The following BST1 variants were observed in gnomAD, a reference collection of about 807,000 sequenced individuals.
BST1 encodes the protein ADP-ribosyl cyclase/cyclic ADP-ribose hydrolase 2.
A neutral mutation model predicts 40.6 loss-of-function variants in BST1; 49 were observed. That is an observed-to-expected ratio of 1.21 (90% CI 0.96 to 1.53). BST1 has a LOEUF of 1.53. BST1 is among the 40% of genes most tolerant of loss of function. The probability of loss-of-function intolerance (pLI) is 0.00; values close to 1 mark genes in which losing one functional copy is unlikely to be tolerated. For synonymous variants in BST1, 157 were observed against 159.3 expected, an observed-to-expected ratio of 0.99 and a Z score of 0.11; for missense variants, 423 against 395.9, an observed-to-expected ratio of 1.07 and a Z score of -0.58.
At chr4:15,766,181 C>A in the BST1 span, among the ~76,000 whole-genome samples, 1 of 151,884 alleles carries the variant, frequency 6.6e-6, no homozygotes, top group Non-Finnish European at 1.5e-5. Context: ...GGTGGCAAAA[C>A]TGTCCCAAAA....
intron 6 of BST1, 104 bp downstream of exon 6, chr4:15,715,903 C>A: frequency 2.4e-6 from 2 of 834,824 alleles, no homozygotes; most frequent in East Asian, 3.1e-5. Context: ...GAAATGACAG[C>A]CTTCTTTGCT....
chr4:15,753,583 A>G, the BST1 span, among the ~76,000 whole-genome samples: 18 of 152,334 alleles, frequency 1.2e-4, no homozygotes, highest in African/African-American at 3.9e-4. Context: ...CAGAGCCACA[A>G]ACAGTATTGG....
chr4:15,712,367 G>A lies in BST1; in HGVS notation c.534+478G>A, dbSNP rs564127524. Among the ~76,000 whole-genome samples, 3 of 152,282 alleles carry A rather than the reference G, an allele frequency of 2.0e-5. No homozygotes were observed. The East Asian group carries it at 5.8e-4, about 29-fold the overall frequency. On this transcript the variant is annotated intron_variant, in intron 4 of 8. Transcript: ENST00000265016. ...GAAATGGTCCCCTGAAGGTAGGTCT[G>A]TTTCCCAGAGAATGATGTCACCAGA...
chr4:15,731,513 T>C (rs937202052), intron 8 of BST1: 2 of 1,055,286 alleles, frequency 1.9e-6, no homozygotes, highest in Admixed American at 1.8e-5. Context: ...TCATAGTTCT[T>C]GAAGCTGATC....
downstream of BST1, among the ~76,000 whole-genome samples, chr4:15,734,083 G>A (rs562954221): frequency 1.8e-4 from 27 of 152,162 alleles, no homozygotes; most frequent in Non-Finnish European, 2.9e-4. Flanking sequence ...GAGAGCTGCC[G>A]CACCAAAAGG....
chr4:15,740,968 C>T (rs566185713), downstream of BST1, among the ~76,000 whole-genome samples: 37 of 151,996 alleles, frequency 2.4e-4, no homozygotes, highest in Non-Finnish European at 1.2e-4. Context: ...GTTCATTATC[C>T]GTCATGAACC....
Position 15,731,756 on chromosome 4 carries a change from C to T in BST1, c.868C>T (p.Gln290Ter). 1 of 1,613,140 alleles carries T rather than the reference C, an allele frequency of 6.2e-7. No individual in the cohort carries two copies. Residue 290 changes from glutamine (Q) to a stop codon, truncating the protein, a stop_gained, in exon 9 of 9, where the codon CAA (glutamine) becomes TAA (stop). Coordinates refer to ENST00000265016, the MANE Select transcript of BST1 (RefSeq NM_004334.3). LOFTEE classifies it low-confidence loss of function (END_TRUNC). ...CALKSAAAAT[Q>*]RKAPSLYTEQ... The stretch of plus-strand genomic sequence containing the variant: ...AATTTGCAGGGCAGCAGCCGCTACT[C>T]AAAGAAAAGCCCCAAGTCTTTATAC...
At chr4:15,767,653 C>T in the BST1 span, among the ~76,000 whole-genome samples, 3 of 150,906 alleles carry the variant, frequency 2.0e-5, no homozygotes, top group East Asian at 3.9e-4. Flanking sequence ...TTTTGTTTTA[C>T]TCTTTTTAAA....
Position 15,715,897 on chromosome 4 carries a change from T to C in BST1, c.704+98T>C, listed in dbSNP as rs1720490935. On this transcript the variant is annotated intron_variant, in intron 6 of 8. Coordinates refer to ENST00000265016, the MANE Select transcript of BST1 (RefSeq NM_004334.3). ...TTTAACATTTTCAGTTTAGGGGAAA[T>C]GACAGCCTTCTTTGCTTCTAATGGG... 7 of 901,024 alleles carry C rather than the reference T, an allele frequency of 7.8e-6. No individual in the cohort carries two copies. In the South Asian group the frequency reaches 1.1e-4, roughly 14 times the overall value. The allele number at this position is 901,024 out of a possible 1,614,324, so 55.8% of individuals were successfully genotyped here.
the BST1 span, among the ~76,000 whole-genome samples, chr4:15,761,397 G>A: frequency 1.3e-5 from 2 of 151,932 alleles, no homozygotes; most frequent in Non-Finnish European, 2.9e-5. Flanking sequence ...AATTAACTGA[G>A]CATGAAACTT....
At chr4:15,736,982 A>G (rs1721593400), downstream of BST1, among the ~76,000 whole-genome samples, 1 of 152,206 alleles carries the variant, frequency 6.6e-6, no homozygotes, top group African/African-American at 2.4e-5. Context: ...TGTGGCCAAG[A>G]GCATGGACTC....
chr4:15,751,345 G>A, the BST1 span, among the ~76,000 whole-genome samples: 1 of 152,126 alleles, frequency 6.6e-6, no homozygotes, highest in East Asian at 1.9e-4. Flanking sequence ...GGCAGGGCTG[G>A]AGTCACATGA....
chr4:15,759,026 A>G, the BST1 span, among the ~76,000 whole-genome samples: 1 of 151,966 alleles, frequency 6.6e-6, no homozygotes, highest in Non-Finnish European at 1.5e-5. Context: ...ACAGGCATCA[A>G]GTCCCATTTC....
At position 15,707,673 on chromosome 4, in the gene BST1, G is replaced by T. The variant is rs151103549; in HGVS notation, c.451+27G>T. ...TAAGACTCCTGCACAAATCACAGGA[G>T]ACTTAAGAACTCCTATTTACTATGC... On this transcript the variant is annotated intron_variant, in intron 3 of 8. Coordinates refer to ENST00000265016, the MANE Select transcript of BST1 (RefSeq NM_004334.3). The T allele has an allele frequency of 2.7e-3, 4,314 of 1,612,064 alleles. 83 individuals are homozygous for T. The Admixed American group carries it at 0.039, about 15-fold the overall frequency.
At position 15,732,203 on chromosome 4, in the gene BST1, G is replaced by A. The variant is rs1026189138; in HGVS notation, c.*358G>A. The A allele has an allele frequency of 6.1e-5, 53 of 866,704 alleles. No homozygotes were observed. The highest frequency in any genetic ancestry group is 1.1e-4 in the African/African-American group (6 of 55,008). The allele number at this position is 866,704 out of a possible 1,614,324, so 53.7% of individuals were successfully genotyped here. A position where few individuals can be genotyped will look rare whatever the true frequency, so the allele number is the denominator to read the frequency against. On this transcript the variant is annotated 3_prime_UTR_variant, in exon 9 of 9. Transcript: ENST00000265016. Reference sequence around the variant, plus strand: ...TATTTTCCTATATCTCCAGCAGCACGGACACTGCATGCTTGTTGATTGCTT... The same window carrying A: ...TATTTTCCTATATCTCCAGCAGCACAGACACTGCATGCTTGTTGATTGCTT...
At position 15,708,600 on chromosome 4, in the gene BST1, C is replaced by T. The variant is rs190827673; in HGVS notation, c.451+954C>T. On this transcript the variant is annotated intron_variant, in intron 3 of 8. Transcript: ENST00000265016. Reference sequence around the variant, plus strand: ...TTCAAAAGTTAACCTAATATCAGGCCGGGCATGGTAGCTCACGCTTGTAAT... The same window carrying T: ...TTCAAAAGTTAACCTAATATCAGGCTGGGCATGGTAGCTCACGCTTGTAAT... Among the ~76,000 whole-genome samples, 65 of 152,106 alleles carry T rather than the reference C, an allele frequency of 4.3e-4. 1 individual carries two copies. The East Asian group carries it at 9.1e-3, about 21-fold the overall frequency.
In BST1 at chr4:15,715,348, T is replaced by G. The variant is rs1451752361; in HGVS notation, c.598T>G (p.Tyr200Asp). ...MLNGSEPTGA[Y>D]PIKGFFADYE... The stretch of plus-strand genomic sequence containing the variant: ...GAATGGTTCAGAGCCAACAGGAGCC[T>G]ATCCCATCAAAGGGTAAGAACACCA... Residue 200 changes from tyrosine (Y) to aspartate (D), a missense_variant, in exon 5 of 9, where the codon TAT (tyrosine) becomes GAT (aspartate). Coordinates refer to ENST00000265016, the MANE Select transcript of BST1 (RefSeq NM_004334.3). The G allele has an allele frequency of 1.2e-6, 2 of 1,613,982 alleles. No individual in the cohort carries two copies. Among genetic ancestry groups the G allele is most frequent in the Non-Finnish European group, 1.7e-6 (2 of 1,179,928 alleles).
At chr4:15,715,096 G>GT (rs1242404657) in intron 4 of BST1, among the ~76,000 whole-genome samples, 189 bp from the exon 5 acceptor site, 1 of 152,128 alleles carries the variant, frequency 6.6e-6, no homozygotes, top group African/African-American at 2.4e-5. Flanking sequence ...GAGTCTATGA[G>GT]TTTTTTGACA....
the BST1 span, among the ~76,000 whole-genome samples, chr4:15,745,808 T>G: frequency 6.6e-6 from 1 of 152,184 alleles, no homozygotes. Context: ...CCCAAATCTT[T>G]GTAGGGTTTA....
Sources: allele counts gnomAD v4.1 joint callset (sites outside exome capture counted in the v4.1 genomes callset), GRCh38; gene constraint gnomAD v4.1.1; transcripts MANE v1.5; gene names NCBI Gene and HGNC (gene_info 2026-07-23, HGNC 2026-07-21).